Variants in PDE10A observed in about 807,000 individuals in gnomAD.
PDE10A encodes phosphodiesterase 10A.
In PDE10A, 39 loss-of-function variants were observed where a neutral mutation model predicts 97.7. That is an observed-to-expected ratio of 0.40 (90% CI 0.31 to 0.52). PDE10A has a LOEUF of 0.52. Ranked by LOEUF, PDE10A falls within the 20% of genes least tolerant of loss-of-function variation. PDE10A has a pLI of 0.56. For synonymous variants in PDE10A, 371 were observed against 376.8 expected, an observed-to-expected ratio of 0.98 and a Z score of 0.18; for missense variants, 731 against 1,047.8, an observed-to-expected ratio of 0.70 and a Z score of 4.17.
chr6:165,878,695 T>C lies in PDE10A; in HGVS notation c.-615+108834A>G, dbSNP rs553467693. ...CAGCAGAACAGGAACATTGCAGGTA[T>C]GATGAGCAGTCCTGAGACGGCGAGA... On this transcript the variant is annotated intron_variant, in intron 1 of 19. Transcript: ENST00000366882. Among the ~76,000 whole-genome samples the C allele has an allele frequency of 4.6e-5, 7 of 152,260 alleles. No homozygotes were observed. The South Asian group carries it at 6.2e-4, about 14-fold the overall frequency.
rs549280468 is a variant in PDE10A at position 165,783,427 on chromosome 6, C to T, written c.-615+204102G>A. 2.6e-5 allele frequency among the ~76,000 whole-genome samples: 4 copies of T among 152,250 alleles called. No homozygotes were observed. In the South Asian group the frequency reaches 8.3e-4, roughly 32 times the overall value. ...ATGTTTTTACCCATTCATACCATTT[C>T]TATAGAAGGAATGAATAAAATTAAG... On this transcript the variant is annotated intron_variant, in intron 1 of 19. Coordinates refer to the PDE10A transcript ENST00000366882.
chr6:165,914,102 CT>C (rs1412016730), intron 1 of PDE10A, among the ~76,000 whole-genome samples: 2 of 152,194 alleles, frequency 1.3e-5, no homozygotes, highest in African/African-American at 4.8e-5. Flanking sequence ...ACAGCCACCC[CT>C]ACATATACAC....
intron 1 of PDE10A, among the ~76,000 whole-genome samples, chr6:165,569,131 C>A (rs899414665): frequency 1.3e-5 from 2 of 152,054 alleles, no homozygotes; most frequent in African/African-American, 2.4e-5. Context: ...AAATTAAGTC[C>A]ATTTTATTAT....
intron 1 of PDE10A, among the ~76,000 whole-genome samples, chr6:165,693,418 C>T (rs926301749): frequency 6.7e-6 from 1 of 148,746 alleles, no homozygotes; most frequent in South Asian, 2.2e-4. Context: ...GTAGTCTCAT[C>T]TACTTGGGAG....
intron 1 of PDE10A, among the ~76,000 whole-genome samples, chr6:165,983,568 C>T (rs1426871919): frequency 1.3e-5 from 2 of 152,212 alleles, no homozygotes; most frequent in Non-Finnish European, 1.5e-5. Flanking sequence ...TCATTGACTA[C>T]CACTGAAAGT....
intron 1 of PDE10A, among the ~76,000 whole-genome samples, chr6:165,832,341 A>C (rs1329325920): frequency 6.6e-6 from 1 of 152,148 alleles, no homozygotes; most frequent in Non-Finnish European, 1.5e-5. Flanking sequence ...CTAAGAGGAA[A>C]CTTTGACTCC....
intron 1 of PDE10A, among the ~76,000 whole-genome samples, chr6:165,942,207 G>A (rs763631246): frequency 6.6e-6 from 1 of 152,058 alleles, no homozygotes; most frequent in Non-Finnish European, 1.5e-5. Context: ...GAGCAGCCAC[G>A]CTGTAGTATA....
chr6:165,977,200 A>G (rs1289275666), intron 1 of PDE10A, among the ~76,000 whole-genome samples: 2 of 152,350 alleles, frequency 1.3e-5, no homozygotes, highest in East Asian at 3.9e-4. Context: ...GCAGAAAAAT[A>G]AAGAAGGTTG....
chr6:165,940,353 C>T (rs1783471174), intron 1 of PDE10A: 1 of 152,244 alleles, frequency 6.6e-6, no homozygotes, highest in Admixed American at 6.5e-5. Flanking sequence ...ATCAAGGGCG[C>T]GTACAGACGC....
chr6:165,788,432 G>A (rs982709435), intron 1 of PDE10A, among the ~76,000 whole-genome samples: 7 of 141,598 alleles, frequency 4.9e-5, no homozygotes, highest in Middle Eastern at 4.1e-3. Flanking sequence ...CAGGATAATC[G>A]CTTGAACCCA....
At chr6:165,715,266 T>A (rs913165353) in intron 1 of PDE10A, among the ~76,000 whole-genome samples, 8 of 152,180 alleles carry the variant, frequency 5.3e-5, no homozygotes, top group Admixed American at 3.9e-4. Context: ...GGATAAACAA[T>A]CATATTTTTA....
chr6:165,511,796 T>C (rs1781525592), intron 2 of PDE10A, among the ~76,000 whole-genome samples: 1 of 152,064 alleles, frequency 6.6e-6, no homozygotes, highest in South Asian at 2.1e-4. Context: ...TTATGGTTTT[T>C]TACTTAAAGT....
chr6:165,432,823 A>G (rs1789696999), intron 7 of PDE10A, 151 bp downstream of exon 7: 1 of 590,314 alleles, frequency 1.7e-6, no homozygotes, highest in Non-Finnish European at 3.0e-6. Context: ...TAAAATCATT[A>G]TCATTAGTAT....
chr6:165,667,847 G>T (rs1043726708), upstream of PDE10A, among the ~76,000 whole-genome samples: 2 of 152,064 alleles, frequency 1.3e-5, no homozygotes, highest in African/African-American at 2.4e-5. Context: ...AAGTTCTTAG[G>T]ATAACCATGT....
In PDE10A at chr6:165,505,973, A is replaced by C. The variant is rs904691743; in HGVS notation, c.995-23630T>G. Among the ~76,000 whole-genome samples the C allele has an allele frequency of 4.6e-5, 7 of 152,308 alleles. No homozygotes were observed. The East Asian group carries it at 1.2e-3, about 25-fold the overall frequency. On this transcript the variant is annotated intron_variant, in intron 2 of 21. Transcript: ENST00000539869. ...CAATACCAAATATATAGTGAAAAAAATAATATTACTTGTCTTATTTTTCAA... is the reference window on the plus strand; with the variant it reads ...CAATACCAAATATATAGTGAAAAAACTAATATTACTTGTCTTATTTTTCAA...
intron 1 of PDE10A, among the ~76,000 whole-genome samples, chr6:165,930,222 C>A (rs949834032): frequency 2.6e-5 from 4 of 152,198 alleles, no homozygotes; most frequent in African/African-American, 7.2e-5. Flanking sequence ...AAAATGGTTT[C>A]TTCTCCATGT....
rs368457098 is a variant in PDE10A, at chr6:165,554,477, C to T, written c.866-10909G>A. ...GCTACAATGAGATATCATCTCACCC[C>T]AGTTAAAATGACATATATTCAAAAG... On this transcript the variant is annotated intron_variant, in intron 1 of 21. Transcript: ENST00000539869. 1.6e-4 allele frequency among the ~76,000 whole-genome samples: 25 copies of T among 152,210 alleles called. 1 individual carries two copies. Among genetic ancestry groups the T allele is most frequent in the African/African-American group, 6.0e-4 (25 of 41,556 alleles).
chr6:165,974,476 G>A (rs542758975), intron 1 of PDE10A, among the ~76,000 whole-genome samples: 1 of 152,334 alleles, frequency 6.6e-6, no homozygotes, highest in East Asian at 1.9e-4. Flanking sequence ...GGAGAAGGTA[G>A]AAATTCACAA....
chr6:165,695,966 G>A (rs1417085731), intron 1 of PDE10A, among the ~76,000 whole-genome samples: 2 of 152,182 alleles, frequency 1.3e-5, no homozygotes, highest in African/African-American at 4.8e-5. Context: ...AGTTAGTGGG[G>A]TTGAACCTCT....
Sources: allele counts gnomAD v4.1 joint callset (sites outside exome capture counted in the v4.1 genomes callset), GRCh38; gene constraint gnomAD v4.1.1; transcripts MANE v1.5; gene names NCBI Gene and HGNC (gene_info 2026-07-23, HGNC 2026-07-21).